The following FBXO31 variants were observed in gnomAD, a reference collection of about 807,000 sequenced individuals.
FBXO31 encodes the protein F-box protein 31.
In FBXO31, 24 loss-of-function variants were observed where a neutral mutation model predicts 54.4. The ratio of observed to expected loss-of-function variants is 0.44; its 90% CI spans 0.32 to 0.62. The LOEUF (loss-of-function observed/expected upper bound fraction) is 0.62, where lower values mean the gene tolerates loss of function less well. FBXO31 is among the 20% of genes least tolerant of loss of function. The pLI, the probability that FBXO31 is intolerant of heterozygous loss-of-function variation, is 0.05. For missense variants in FBXO31, 665 were observed against 787.1 expected, an observed-to-expected ratio of 0.84 and a Z score of 1.86; for synonymous variants, 388 against 335.6, an observed-to-expected ratio of 1.16 and a Z score of -1.71.
rs1905993692 is a variant in FBXO31, at chr16:87,358,443, T to C, written c.412+1852A>G. ...GTAAACGTCTCTGTACGCCATGTGCTCATAATCAGGGAGAATTTTCACAAA... is the reference window on the plus strand; with the variant it reads ...GTAAACGTCTCTGTACGCCATGTGCCCATAATCAGGGAGAATTTTCACAAA... On this transcript the variant is annotated intron_variant, in intron 2 of 8. Transcript: ENST00000311635. This position sits in a 1 kb window ranked among gnomAD's most constrained non-coding sequence, Gnocchi z 4.0. 1 of 152,638 alleles carries C rather than the reference T, an allele frequency of 6.6e-6. No homozygotes were observed. The highest frequency in any genetic ancestry group is 2.4e-5 in the African/African-American group (1 of 41,442). The allele number at this position is 152,638 out of a possible 1,614,324, so 9.5% of individuals were successfully genotyped here. A position where few individuals can be genotyped will look rare whatever the true frequency, so the allele number is the denominator to read the frequency against.
At chr16:87,365,976 C>A (rs534496448) in intron 1 of FBXO31, among the ~76,000 whole-genome samples, 72 of 152,268 alleles carry the variant, frequency 4.7e-4, no homozygotes, top group Non-Finnish European at 9.7e-4. Context: ...TTGCCGTGAG[C>A]CAAGATTGCG....
At chr16:87,384,906 G>A (rs1907272486), upstream of FBXO31, among the ~76,000 whole-genome samples, 1 of 148,932 alleles carries the variant, frequency 6.7e-6, no homozygotes, top group South Asian at 2.1e-4. Context: ...TGGGCGCGGT[G>A]GCTCACGTCT....
chr16:87,369,186 T>TA (rs1263677517), intron 1 of FBXO31, among the ~76,000 whole-genome samples: 1 of 152,232 alleles, frequency 6.6e-6, no homozygotes, highest in African/African-American at 2.4e-5. Context: ...GTTATCATGG[T>TA]AAAAATAAAC....
In FBXO31 at chr16:87,346,265, G is replaced by A. The variant is rs1356117113; in HGVS notation, c.489+909C>T. ...CACTTTGCCCGCAGGCCGGGGCCAG[G>A]GCCTCTTGAGGAGACCAGGCCACGG... is the stretch of plus-strand genomic sequence containing the variant. On this transcript the variant is annotated intron_variant, in intron 3 of 8. Transcript: ENST00000311635. This position sits in a 1 kb window ranked among gnomAD's most constrained non-coding sequence, Gnocchi z 4.2. Among the ~76,000 whole-genome samples, 1 of 151,926 alleles carries A rather than the reference G, an allele frequency of 6.6e-6. No homozygotes were observed. Among genetic ancestry groups the A allele is most frequent in the African/African-American group, 2.4e-5 (1 of 41,356 alleles).
chr16:87,383,559 G>T lies in FBXO31; in HGVS notation c.186C>A (p.Pro62=). The T allele has an allele frequency of 6.5e-7, 1 of 1,537,914 alleles. No individual in the cohort carries two copies. Residue 62 remains proline (P), a synonymous_variant, in exon 1 of 9, where the codon CCC becomes CCA. Transcript: ENST00000311635. The surrounding 1 kb of genome is among the most constrained non-coding windows in gnomAD (Gnocchi z 4.9). Reference sequence around the variant, plus strand: ...GCAGCTCCAGCAGCGAGCAGCGCGGGGGCGGCGGCGAGGGGCCCGCGCACA... The same window carrying T: ...GCAGCTCCAGCAGCGAGCAGCGCGGTGGCGGCGGCGAGGGGCCCGCGCACA... ...GGLCAGPSPP[P]PRCSLLELPP...
At chr16:87,372,954 C>G (rs956556699) in intron 1 of FBXO31, among the ~76,000 whole-genome samples, 1 of 151,124 alleles carries the variant, frequency 6.6e-6, no homozygotes, top group Admixed American at 6.6e-5. Flanking sequence ...AGGCTGGTCT[C>G]GAAATACTGA....
intron 2 of FBXO31, among the ~76,000 whole-genome samples, chr16:87,355,222 C>G (rs1278966857): frequency 6.6e-6 from 1 of 152,146 alleles, no homozygotes; most frequent in Non-Finnish European, 1.5e-5. Context: ...ATGTTGGGCC[C>G]ACAGCGCAAG....
intron 1 of FBXO31, among the ~76,000 whole-genome samples, chr16:87,363,110 C>T (rs570883299): frequency 6.6e-6 from 1 of 151,114 alleles, no homozygotes; most frequent in East Asian, 2.0e-4. Context: ...AAAAGCCGGG[C>T]GCGGTGGCTC....
At position 87,345,997 on chromosome 16, in the gene FBXO31, G is replaced by C. The variant is rs1905368953; in HGVS notation, c.489+1177C>G. ...GCGGAATCCTGAGTGAGGGGTGGGA[G>C]GTGGAGGAGGGAAGCAGAGTGGCTG... On this transcript the variant is annotated intron_variant, in intron 3 of 8. Coordinates refer to ENST00000311635, the MANE Select transcript of FBXO31 (RefSeq NM_024735.5). The surrounding 1 kb of genome is among the most constrained non-coding windows in gnomAD (Gnocchi z 4.9). 1.3e-5 allele frequency among the ~76,000 whole-genome samples: 2 copies of C among 152,256 alleles called. 1 individual carries two copies. The highest frequency in any genetic ancestry group is 1.3e-4 in the Admixed American group (2 of 15,292).
chr16:87,385,502 A>ATCTG (rs78993376), upstream of FBXO31, among the ~76,000 whole-genome samples: 55,504 of 151,544 alleles, frequency 0.37, 13,105 homozygotes, highest in Non-Finnish European at 0.55. Flanking sequence ...CCTGCTATCT[A>ATCTG]CCAGGGAGAT....
At chr16:87,379,134 G>GT (rs1257243073) in intron 1 of FBXO31, among the ~76,000 whole-genome samples, 4 of 151,918 alleles carry the variant, frequency 2.6e-5, no homozygotes, top group African/African-American at 9.7e-5. Flanking sequence ...GTTTTGTTTT[G>GT]TTTTTTTGAG....
intron 5 of FBXO31, among the ~76,000 whole-genome samples, chr16:87,340,860 C>CA (rs990701784): frequency 2.0e-5 from 3 of 151,132 alleles, no homozygotes; most frequent in Non-Finnish European, 4.4e-5. Context: ...AATCCAAAGA[C>CA]AAAAAAAAGG....
Position 87,329,179 on chromosome 16 carries a change from TCTGGC to T in FBXO31, c.*2104_*2108del. 1 of 152,682 alleles carries T rather than the reference TCTGGC, an allele frequency of 6.5e-6. No homozygotes were observed. Among genetic ancestry groups the T allele is most frequent in the East Asian group, 1.9e-4 (1 of 5,188 alleles). The allele number at this position is 152,682 out of a possible 1,614,324, so 9.5% of individuals were successfully genotyped here. ...GGCCTCCCTTTCCTGGCTGTGTGGC[TCTGGC>T]CCTGCCTGGCATCACTGCAGGTCAC... On this transcript the variant is annotated 3_prime_UTR_variant, in exon 9 of 9. Coordinates refer to ENST00000311635, the MANE Select transcript of FBXO31 (RefSeq NM_024735.5).
upstream of FBXO31, chr16:87,386,273 T>C (rs1228148709): frequency 6.6e-6 from 1 of 152,094 alleles, no homozygotes; most frequent in Admixed American, 6.5e-5. Flanking sequence ...GGAGTTAGAA[T>C]GTGAACTCGT....
At chr16:87,363,323 G>GC (rs1379154524) in intron 1 of FBXO31, among the ~76,000 whole-genome samples, 3 of 152,164 alleles carry the variant, frequency 2.0e-5, no homozygotes, top group Non-Finnish European at 4.4e-5. Flanking sequence ...GGCAGAGGTG[G>GC]CAGTGAGCCA....
Position 87,338,481 on chromosome 16 carries a change from T to G in FBXO31, c.733-2217A>C, listed in dbSNP as rs1905098405. 6.6e-6 allele frequency among the ~76,000 whole-genome samples: 1 copy of G among 150,538 alleles called. No individual in the cohort carries two copies. On this transcript the variant is annotated intron_variant, in intron 5 of 8. Coordinates refer to ENST00000311635, the MANE Select transcript of FBXO31 (RefSeq NM_024735.5). This position sits in a 1 kb window ranked among gnomAD's most constrained non-coding sequence, Gnocchi z 4.3. ...AGTCTTGGGGCGGGGGAGGCGGGCCTGAAACACACAGGGGTGGGAAGGGAC... is the reference window on the plus strand; with the variant it reads ...AGTCTTGGGGCGGGGGAGGCGGGCCGGAAACACACAGGGGTGGGAAGGGAC...
chr16:87,360,279 A>G lies in FBXO31; in HGVS notation c.412+16T>C, dbSNP rs1342042006. ...TACAAAGTTAATCATGGATGGTAAC[A>G]AATAGATTCACTCACGCTTCGCATA... On this transcript the variant is annotated intron_variant, in intron 2 of 8. Coordinates refer to ENST00000311635, the MANE Select transcript of FBXO31 (RefSeq NM_024735.5). 6.2e-7 allele frequency: 1 copy of G among 1,612,324 alleles called. No homozygotes were observed. The highest frequency in any genetic ancestry group is 2.2e-5 in the East Asian group (1 of 44,858).
At chr16:87,370,193 C>A (rs1350145699) in intron 1 of FBXO31, among the ~76,000 whole-genome samples, 1 of 152,220 alleles carries the variant, frequency 6.6e-6, no homozygotes, top group Non-Finnish European at 1.5e-5. Context: ...GAAGACTCAT[C>A]TGCTTCGTGA....
upstream of FBXO31, among the ~76,000 whole-genome samples, chr16:87,384,884 G>A (rs1204686352): frequency 1.3e-5 from 2 of 151,998 alleles, no homozygotes; most frequent in African/African-American, 4.8e-5. Flanking sequence ...AACAAAAATA[G>A]CCACAAATGG....
Sources: allele counts gnomAD v4.1 joint callset (sites outside exome capture counted in the v4.1 genomes callset), GRCh38; gene constraint gnomAD v4.1.1; non-coding constraint Gnocchi (gnomAD v3.1); transcripts MANE v1.5; gene names NCBI Gene and HGNC (gene_info 2026-07-23, HGNC 2026-07-21).